The following FAM3C variants were observed in gnomAD, a reference collection of about 807,000 sequenced individuals.
FAM3C encodes protein FAM3C.
Under a neutral mutation model 32.5 loss-of-function variants are expected in FAM3C, and 15 were observed. The ratio of observed to expected loss-of-function variants is 0.46; its 90% CI spans 0.31 to 0.71. The LOEUF (loss-of-function observed/expected upper bound fraction) is 0.71, where lower values mean the gene tolerates loss of function less well. Among genes scored for constraint, FAM3C ranks in the 30% least tolerant of loss-of-function variants. The pLI is 0.05. For synonymous variants in FAM3C, 75 were observed against 86.1 expected, an observed-to-expected ratio of 0.87 and a Z score of 0.72; for missense variants, 175 against 274.4, an observed-to-expected ratio of 0.64 and a Z score of 2.56.
At chr7:121,388,196 T>A (rs1376782792) in intron 1 of FAM3C, among the ~76,000 whole-genome samples, 1 of 151,038 alleles carries the variant, frequency 6.6e-6, no homozygotes, top group Non-Finnish European at 1.5e-5. Context: ...GGATACCGAA[T>A]CCTAGAAGGT....
chr7:121,363,017 C>T, intron 6 of FAM3C, 70 bp from the exon 7 acceptor site: 1 of 719,504 alleles, frequency 1.4e-6, no homozygotes, highest in South Asian at 1.8e-5. Context: ...CCAATAATCT[C>T]ATCCAATGAT....
At position 121,379,908 on chromosome 7, in the gene FAM3C, T is replaced by C. The variant is rs115411194; in HGVS notation, c.14-894A>G. 6.0e-3 allele frequency among the ~76,000 whole-genome samples: 920 copies of C among 152,306 alleles called. 10 individuals are homozygous for C. Among genetic ancestry groups the C allele is most frequent in the African/African-American group, 0.02 (850 of 41,560 alleles). On this transcript the variant is annotated intron_variant, in intron 2 of 9. Transcript: ENST00000359943. ...GAAATGAAAGAGCAATGAGGAAGTCTAACTATAATACTAATCAATCCCTGC... is the reference window on the plus strand; with the variant it reads ...GAAATGAAAGAGCAATGAGGAAGTCCAACTATAATACTAATCAATCCCTGC...
intron 9 of FAM3C, among the ~76,000 whole-genome samples, 175 bp from the exon 10 acceptor site, chr7:121,350,725 A>G (rs1435380909): frequency 6.6e-6 from 1 of 152,216 alleles, no homozygotes; most frequent in Non-Finnish European, 1.5e-5. Flanking sequence ...TACATGGCAG[A>G]CCTTCAAATA....
intron 1 of FAM3C, among the ~76,000 whole-genome samples, chr7:121,387,659 A>G (rs1482162244): frequency 6.6e-6 from 1 of 152,154 alleles, no homozygotes; most frequent in Non-Finnish European, 1.5e-5. Flanking sequence ...TTCCAAACCA[A>G]TCCCAGGAAA....
At chr7:121,366,091 G>A (rs1428046409) in intron 5 of FAM3C, among the ~76,000 whole-genome samples, 1 of 152,148 alleles carries the variant, frequency 6.6e-6, no homozygotes, top group Admixed American at 6.5e-5. Context: ...TTCATACACT[G>A]CTGGCGGAAA....
rs1584685451 is a variant in FAM3C, at chr7:121,349,612, G to A, written c.*849C>T. 3 of 152,374 alleles carry A rather than the reference G, an allele frequency of 2.0e-5. No homozygotes were observed. In the Middle Eastern group the frequency reaches 0.01, roughly 518 times the overall value. The allele number at this position is 152,374 out of a possible 1,614,324, so 9.4% of individuals were successfully genotyped here. On this transcript the variant is annotated 3_prime_UTR_variant, in exon 10 of 10. Transcript: ENST00000359943. Reference sequence around the variant, plus strand: ...AAGCATGCCTCCTTCCAAACCACTTGGTCAATGCTGATAACAATTAAGAAA... The same window carrying A: ...AAGCATGCCTCCTTCCAAACCACTTAGTCAATGCTGATAACAATTAAGAAA...
intron 1 of FAM3C, among the ~76,000 whole-genome samples, chr7:121,389,197 A>C (rs1215229033): frequency 6.6e-6 from 1 of 152,192 alleles, no homozygotes; most frequent in African/African-American, 2.4e-5. Flanking sequence ...TTCTGAGAAC[A>C]TAAGTATTCC....
At chr7:121,388,554 G>C (rs1432557303) in intron 1 of FAM3C, among the ~76,000 whole-genome samples, 1 of 151,976 alleles carries the variant, frequency 6.6e-6, no homozygotes, top group African/African-American at 2.4e-5. Context: ...AAAAGCAACA[G>C]ACCAAAAACT....
At chr7:121,369,096 C>T (rs992469045) in intron 5 of FAM3C, among the ~76,000 whole-genome samples, 2 of 151,156 alleles carry the variant, frequency 1.3e-5, no homozygotes, top group Non-Finnish European at 2.9e-5. Flanking sequence ...TCTCGTGCCT[C>T]AGCCTCCCAA....
intron 3 of FAM3C, among the ~76,000 whole-genome samples, chr7:121,377,987 G>A (rs528224303): frequency 4.6e-5 from 7 of 152,068 alleles, no homozygotes; most frequent in Non-Finnish European, 1.0e-4. Context: ...CTTATATAGC[G>A]CCTTGGTTAA....
At chr7:121,359,955 T>G (rs532535442) in intron 8 of FAM3C, 88 bp downstream of exon 8, 1 of 741,456 alleles carries the variant, frequency 1.3e-6, no homozygotes, top group Non-Finnish European at 2.3e-6. Flanking sequence ...ATTACTTTGC[T>G]CTATGTTACA....
At chr7:121,370,430 C>T (rs1410244310) in intron 5 of FAM3C, among the ~76,000 whole-genome samples, 1 of 152,144 alleles carries the variant, frequency 6.6e-6, no homozygotes. Context: ...GCCTAGGTCT[C>T]CTCTTTGCTA....
At chr7:121,367,613 T>A (rs1794048732) in intron 5 of FAM3C, among the ~76,000 whole-genome samples, 1 of 152,198 alleles carries the variant, frequency 6.6e-6, no homozygotes, top group Non-Finnish European at 1.5e-5. Flanking sequence ...ATCAAATTCA[T>A]ACAAATTGAA....
intron 1 of FAM3C, among the ~76,000 whole-genome samples, chr7:121,395,838 C>A (rs1794681613): frequency 6.6e-6 from 1 of 152,032 alleles, no homozygotes; most frequent in Non-Finnish European, 1.5e-5. Context: ...GGGGAAGATG[C>A]GACCCAGGTG....
At chr7:121,353,256 T>C (rs1793743144) in intron 8 of FAM3C, among the ~76,000 whole-genome samples, 1 of 152,210 alleles carries the variant, frequency 6.6e-6, no homozygotes. Context: ...AAGAAATATG[T>C]TGAAGGGCAG....
At position 121,381,862 on chromosome 7, in the gene FAM3C, C is replaced by T. The variant is rs565072734; in HGVS notation, c.13+1095G>A. Among the ~76,000 whole-genome samples the T allele has an allele frequency of 2.0e-5, 3 of 152,162 alleles. No individual in the cohort carries two copies. In the South Asian group the frequency reaches 6.2e-4, roughly 32 times the overall value. Reference sequence around the variant, plus strand: ...TTCTACAAAAGCATTTGTAACAGCCCTCAGTTATCTTTGTTTAATAATCAT... The same window carrying T: ...TTCTACAAAAGCATTTGTAACAGCCTTCAGTTATCTTTGTTTAATAATCAT... On this transcript the variant is annotated intron_variant, in intron 2 of 9. Coordinates refer to ENST00000359943, the MANE Select transcript of FAM3C (RefSeq NM_014888.3).
intron 8 of FAM3C, among the ~76,000 whole-genome samples, chr7:121,352,051 T>C (rs1449161976): frequency 1.3e-5 from 2 of 152,196 alleles, no homozygotes; most frequent in African/African-American, 4.8e-5. Flanking sequence ...AAGGGCTACT[T>C]GTACACATAT....
intron 2 of FAM3C, among the ~76,000 whole-genome samples, chr7:121,381,656 CCACACACACACACACACA>C (rs67277678): frequency 0.02 from 2,840 of 142,330 alleles, 101 homozygotes; most frequent in African/African-American, 0.069. Flanking sequence ...CAAAGAACAT[CCACACACACACACACACA>C]CACACACACA....
At chr7:121,389,405 A>T (rs768721045) in intron 1 of FAM3C, among the ~76,000 whole-genome samples, 10 of 152,130 alleles carry the variant, frequency 6.6e-5, no homozygotes, top group Non-Finnish European at 1.5e-4. Context: ...CTCTATACCC[A>T]AATATAACAT....
Sources: allele counts gnomAD v4.1 joint callset (sites outside exome capture counted in the v4.1 genomes callset), GRCh38; gene constraint gnomAD v4.1.1; transcripts MANE v1.5; gene names NCBI Gene and HGNC (gene_info 2026-07-23, HGNC 2026-07-21).